The following IMMP2L variants were observed in gnomAD, a reference collection of about 807,000 sequenced individuals.
IMMP2L encodes the protein mitochondrial inner membrane protease subunit 2.
A neutral mutation model predicts 19.3 loss-of-function variants in IMMP2L; 18 were observed. The observed-to-expected ratio is 0.93, with a 90% CI of 0.64 to 1.38. The LOEUF is 1.38. Among genes scored for constraint, IMMP2L ranks in the 40% most tolerant of loss-of-function variants. The pLI is 0.00. For synonymous variants in IMMP2L, 76 were observed against 73.0 expected (o/e 1.04, Z -0.21); for missense variants, 233 against 218.2 (o/e 1.07, Z -0.43).
At chr7:110,863,222 T>G (rs1179924578) in intron 5 of IMMP2L, among the ~76,000 whole-genome samples, 6 of 152,120 alleles carry the variant, frequency 3.9e-5, no homozygotes. Flanking sequence ...GTTTATTTCT[T>G]GTTTCCTTAC....
At chr7:111,224,028 T>A (rs1245925614) in intron 3 of IMMP2L, among the ~76,000 whole-genome samples, 1 of 152,090 alleles carries the variant, frequency 6.6e-6, no homozygotes, top group Non-Finnish European at 1.5e-5. Context: ...GGAAACTGAA[T>A]ATAGAAAACA....
chr7:110,836,628 T>A (rs747548596), intron 5 of IMMP2L, among the ~76,000 whole-genome samples: 1 of 152,098 alleles, frequency 6.6e-6, no homozygotes, highest in Non-Finnish European at 1.5e-5. Flanking sequence ...TATGTCTTTA[T>A]CAGCAGTGTG....
At chr7:111,074,839 T>C (rs973114442) in intron 3 of IMMP2L, among the ~76,000 whole-genome samples, 1 of 152,152 alleles carries the variant, frequency 6.6e-6, no homozygotes, top group East Asian at 1.9e-4. Flanking sequence ...TTGGCTACGA[T>C]CAAAAAACAG....
At chr7:111,311,351 G>A (rs893707082) in intron 3 of IMMP2L, among the ~76,000 whole-genome samples, 1 of 152,068 alleles carries the variant, frequency 6.6e-6, no homozygotes, top group Non-Finnish European at 1.5e-5. Flanking sequence ...CAGGCAGGGA[G>A]GGAGGGATCA....
intron 5 of IMMP2L, among the ~76,000 whole-genome samples, chr7:110,864,131 G>A (rs1325694718): frequency 6.6e-6 from 1 of 151,996 alleles, no homozygotes; most frequent in Admixed American, 6.6e-5. Flanking sequence ...TGAAAGACCC[G>A]TTCCATGTTT....
At chr7:111,021,571 G>A (rs1042415903) in intron 3 of IMMP2L, among the ~76,000 whole-genome samples, 1 of 152,158 alleles carries the variant, frequency 6.6e-6, no homozygotes, top group Admixed American at 6.5e-5. Flanking sequence ...GCTTGTGCAG[G>A]GGAACACCTC....
At chr7:111,392,893 T>C in intron 3 of IMMP2L, 1 of 455,148 alleles carries the variant, frequency 2.2e-6, no homozygotes, top group Non-Finnish European at 4.4e-6. Flanking sequence ...ATAGTAGCTT[T>C]TGTCCCCATG....
chr7:111,431,639 GT>G (rs763769488), intron 3 of IMMP2L, among the ~76,000 whole-genome samples: 1 of 151,856 alleles, frequency 6.6e-6, no homozygotes. Context: ...CCACAAAAAT[GT>G]GGTAGAAATA....
At chr7:111,299,496 T>C (rs532112747) in intron 3 of IMMP2L, among the ~76,000 whole-genome samples, 2 of 151,886 alleles carry the variant, frequency 1.3e-5, no homozygotes, top group East Asian at 3.9e-4. Context: ...AAACAAGAGT[T>C]TGTCATTTTC....
intron 3 of IMMP2L, among the ~76,000 whole-genome samples, chr7:111,262,466 T>A (rs180727431): frequency 6.6e-6 from 1 of 151,892 alleles, no homozygotes; most frequent in Admixed American, 6.6e-5. Context: ...CTTGTATGAG[T>A]GGGAGAAAAG....
At chr7:110,897,828 A>G (rs1356438636) in intron 4 of IMMP2L, among the ~76,000 whole-genome samples, 1 of 152,204 alleles carries the variant, frequency 6.6e-6, no homozygotes, top group Non-Finnish European at 1.5e-5. Context: ...GCAGAAAAGC[A>G]CATGATATGA....
chr7:111,281,156 CAGAAAGA>C (rs1424837917), intron 3 of IMMP2L, among the ~76,000 whole-genome samples: 4 of 67,814 alleles, frequency 5.9e-5, no homozygotes, highest in Non-Finnish European at 1.1e-4. Flanking sequence ...GACAGAAAGA[CAGAAAGA>C]AAGAAAGAAA....
chr7:110,800,863 G>A (rs1386458088), intron 5 of IMMP2L, among the ~76,000 whole-genome samples: 1 of 152,036 alleles, frequency 6.6e-6, no homozygotes, highest in East Asian at 1.9e-4. Context: ...TGCCAATAAT[G>A]TAGGATGAAG....
chr7:111,193,811 T>A (rs1048656938), intron 3 of IMMP2L, among the ~76,000 whole-genome samples: 2 of 152,204 alleles, frequency 1.3e-5, no homozygotes, highest in Non-Finnish European at 2.9e-5. Context: ...TTTATATTCC[T>A]TTAATATTAC....
chr7:110,784,167 T>C (rs750137634), intron 5 of IMMP2L, among the ~76,000 whole-genome samples: 1 of 151,840 alleles, frequency 6.6e-6, no homozygotes, highest in South Asian at 2.1e-4. Context: ...ATTCCTAACC[T>C]CCGTCAGTGT....
intron 3 of IMMP2L, among the ~76,000 whole-genome samples, chr7:111,024,897 TG>T (rs1444349547): frequency 2.0e-5 from 3 of 152,238 alleles, no homozygotes; most frequent in African/African-American, 7.2e-5. Flanking sequence ...TCAGGGTTTA[TG>T]ATTATTTTTT....
chr7:110,990,134 A>G (rs1563139314), intron 3 of IMMP2L, among the ~76,000 whole-genome samples: 1 of 152,202 alleles, frequency 6.6e-6, no homozygotes, highest in African/African-American at 2.4e-5. Flanking sequence ...ATGACTACAT[A>G]GCCACACAAA....
At chr7:111,353,860 G>T (rs1311353941) in intron 3 of IMMP2L, among the ~76,000 whole-genome samples, 2 of 152,034 alleles carry the variant, frequency 1.3e-5, no homozygotes, top group Admixed American at 1.3e-4. Flanking sequence ...GTTATGAATA[G>T]AAAACACTGG....
At chr7:111,208,700 G>A (rs537113912) in intron 3 of IMMP2L, among the ~76,000 whole-genome samples, 2 of 152,144 alleles carry the variant, frequency 1.3e-5, no homozygotes, top group African/African-American at 2.4e-5. Flanking sequence ...ACGGATGGGA[G>A]GCTGGGCATA....
Sources: allele counts gnomAD v4.1 joint callset (sites outside exome capture counted in the v4.1 genomes callset), GRCh38; gene constraint gnomAD v4.1.1; transcripts MANE v1.5; gene names NCBI Gene and HGNC (gene_info 2026-07-23, HGNC 2026-07-21).